The following CACNA2D1 variants were observed in gnomAD, a reference collection of about 807,000 sequenced individuals.
The protein encoded by CACNA2D1 is voltage-dependent calcium channel subunit alpha-2/delta-1.
CACNA2D1 carries 53 observed loss-of-function variants against 171.5 expected under a neutral mutation model. The ratio of observed to expected loss-of-function variants is 0.31; its 90% confidence interval spans 0.25 to 0.39. The LOEUF is 0.39. CACNA2D1 is among the 10% of genes least tolerant of loss of function. CACNA2D1 has a pLI of 1.00. For synonymous variants in CACNA2D1, 442 were observed against 443.1 expected (o/e 1.00, Z 0.03); for missense variants, 903 against 1,299.8 (o/e 0.69, Z 4.69).
In CACNA2D1 at chr7:82,263,982, T is replaced by A. The variant is rs144405954; in HGVS notation, c.294+71153A>T. ...ATTTGGAAAATATTCTAGTTTAACA[T>A]GATTATGTAGGCCGTCACCGTTTTT... On this transcript the variant is annotated intron_variant, in intron 3 of 38. Coordinates refer to ENST00000356860, the MANE Select transcript of CACNA2D1 (RefSeq NM_000722.4). 9.2e-3 allele frequency among the ~76,000 whole-genome samples: 1,403 copies of A among 152,224 alleles called. 18 individuals are homozygous for A. Among genetic ancestry groups the A allele is most frequent in the Non-Finnish European group, 0.013 (875 of 67,992 alleles).
At chr7:82,068,281 G>A (rs1446718908) in intron 7 of CACNA2D1, among the ~76,000 whole-genome samples, 3 of 151,992 alleles carry the variant, frequency 2.0e-5, no homozygotes, top group Admixed American at 6.6e-5. Context: ...TTTTTGTAGA[G>A]GAGAGCTTAC....
Position 82,012,203 on chromosome 7 carries a change from C to T in CACNA2D1, c.1313G>A (p.Gly438Glu). The T allele has an allele frequency of 6.2e-7, 1 of 1,608,422 alleles. No homozygotes were observed. Among genetic ancestry groups the T allele is most frequent in the South Asian group, 1.1e-5 (1 of 90,976 alleles). The change falls in exon 15 of 39, where the codon GGA becomes GAA. Residue 438 changes from glycine (G) to glutamate (E), a missense_variant. This residue lies in a region of CACNA2D1 where 623 missense variants were observed against 925.5 expected (regional missense o/e 0.67). Coordinates refer to ENST00000356860, the MANE Select transcript of CACNA2D1 (RefSeq NM_000722.4). ...CCATTGGACTTGCTTAGCTTTGTCT[C>T]CTGCTAAAACCATTGGTCTTCCCAA... ...DVLGRPMVLA[G>E]DKAKQVQWTN...
At chr7:82,172,704 C>T (rs1469335297) in intron 3 of CACNA2D1, among the ~76,000 whole-genome samples, 1 of 132,800 alleles carries the variant, frequency 7.5e-6, no homozygotes, top group Non-Finnish European at 1.5e-5. Context: ...TCCCAAAGTG[C>T]TGGTATTACA....
chr7:82,289,918 G>C lies in CACNA2D1; in HGVS notation c.294+45217C>G, dbSNP rs561496716. Among the ~76,000 whole-genome samples, 10 of 151,978 alleles carry C rather than the reference G, an allele frequency of 6.6e-5. No homozygotes were observed. In the South Asian group the frequency reaches 2.1e-3, roughly 31 times the overall value. ...CAAGACAAGTATTTTCCACTGAAAA[G>C]ACTGCCTCATCTTACCCTTAACTTT... On this transcript the variant is annotated intron_variant, in intron 3 of 38. Transcript: ENST00000356860.
intron 3 of CACNA2D1, among the ~76,000 whole-genome samples, chr7:82,184,713 TTACA>T (rs1242641193): frequency 6.6e-6 from 1 of 152,158 alleles, no homozygotes; most frequent in Non-Finnish European, 1.5e-5. Context: ...AAAATTAAAA[TTACA>T]TTCATTATAC....
At chr7:82,411,557 T>C (rs1407974897) in intron 1 of CACNA2D1, among the ~76,000 whole-genome samples, 2 of 152,168 alleles carry the variant, frequency 1.3e-5, no homozygotes, top group African/African-American at 2.4e-5. Context: ...AGTAATATTA[T>C]TTAAAATATA....
rs141966120 is a variant in CACNA2D1 at position 82,351,433 on chromosome 7, A to G, written c.96-1784T>C. 7.9e-3 allele frequency among the ~76,000 whole-genome samples: 1,202 copies of G among 152,122 alleles called. 20 individuals are homozygous for G. Among genetic ancestry groups the G allele is most frequent in the African/African-American group, 0.026 (1,094 of 41,548 alleles). The stretch of plus-strand genomic sequence containing the variant: ...AATGGAAAGCCAGTTATAAAAAAGG[A>G]TGAAATGCCTTAGAGGAAAACACAG... On this transcript the variant is annotated intron_variant, in intron 1 of 38. Coordinates refer to ENST00000356860, the MANE Select transcript of CACNA2D1 (RefSeq NM_000722.4).
rs932080938 is a variant in CACNA2D1 at position 82,099,422 on chromosome 7, C to CTTTTTTTTTTTTTTT, written c.527-14537_527-14523dup. On this transcript the variant is annotated intron_variant, in intron 6 of 38. Coordinates refer to ENST00000356860, the MANE Select transcript of CACNA2D1 (RefSeq NM_000722.4). The stretch of plus-strand genomic sequence containing the variant: ...ACTCTAAAACAGGTAGCAATACCTT[C>CTTTTTTTTTTTTTTT]TTTTTTTTTTTTTTTTTTTTTTTTT... Among the ~76,000 whole-genome samples the CTTTTTTTTTTTTTTT allele has an allele frequency of 2.7e-4, 11 of 40,288 alleles. 2 individuals carry two copies. The highest frequency in any genetic ancestry group is 3.8e-4 in the African/African-American group (4 of 10,620). The allele number at this position is 40,288 out of a possible 152,430, so 26.4% of individuals were successfully genotyped here. A position where few individuals can be genotyped will look rare whatever the true frequency, so the allele number is the denominator to read the frequency against.
intron 1 of CACNA2D1, among the ~76,000 whole-genome samples, chr7:82,430,133 G>A (rs1257379070): frequency 7.6e-6 from 1 of 132,012 alleles, no homozygotes; most frequent in African/African-American, 3.2e-5. Context: ...GGCCATGTTG[G>A]CTGGGCGCAG....
chr7:82,310,591 A>C (rs1019633104), intron 3 of CACNA2D1, among the ~76,000 whole-genome samples: 6 of 152,030 alleles, frequency 3.9e-5, no homozygotes, highest in Non-Finnish European at 8.8e-5. Flanking sequence ...TAAGATTTTC[A>C]TATACTATTA....
intron 1 of CACNA2D1, among the ~76,000 whole-genome samples, chr7:82,371,473 T>C (rs2129448296): frequency 6.6e-6 from 1 of 152,354 alleles, no homozygotes; most frequent in Admixed American, 6.5e-5. Context: ...AATAAATATT[T>C]ACTAAGTTTC....
chr7:82,015,063 A>AAAAG (rs570820638), intron 12 of CACNA2D1, among the ~76,000 whole-genome samples: 1 of 152,142 alleles, frequency 6.6e-6, no homozygotes, highest in African/African-American at 2.4e-5. Context: ...AAAAAAAGAA[A>AAAAG]AAAGAAAGAA....
intron 29 of CACNA2D1, among the ~76,000 whole-genome samples, chr7:81,968,417 G>T (rs1365883312): frequency 6.6e-6 from 1 of 151,112 alleles, no homozygotes; most frequent in African/African-American, 2.4e-5. Context: ...GTTTTTAACT[G>T]AGCCCTACCT....
At chr7:82,423,510 T>A (rs1320257220) in intron 1 of CACNA2D1, among the ~76,000 whole-genome samples, 1 of 152,176 alleles carries the variant, frequency 6.6e-6, no homozygotes. Flanking sequence ...AAATAGTAAA[T>A]GTTCTAAAGA....
chr7:81,972,688 G>A (rs2130471911), intron 25 of CACNA2D1, among the ~76,000 whole-genome samples: 1 of 151,860 alleles, frequency 6.6e-6, no homozygotes, highest in Non-Finnish European at 1.5e-5. Context: ...CATTCTCCTT[G>A]TTCCTCTAAA....
At chr7:82,322,571 A>T (rs12531295) in intron 3 of CACNA2D1, among the ~76,000 whole-genome samples, 48,926 of 152,024 alleles carry the variant, frequency 0.32, 7,980 homozygotes, top group Middle Eastern at 0.5. Context: ...GTGAGCCATA[A>T]TAGCGCTACT....
At chr7:82,270,347 C>T (rs551210270) in intron 3 of CACNA2D1, among the ~76,000 whole-genome samples, 1 of 152,078 alleles carries the variant, frequency 6.6e-6, no homozygotes, top group African/African-American at 2.4e-5. Context: ...TCATATAACA[C>T]GTAGTCTTCT....
chr7:82,321,670 G>C (rs982244418), intron 3 of CACNA2D1, among the ~76,000 whole-genome samples: 1 of 152,118 alleles, frequency 6.6e-6, no homozygotes, highest in Non-Finnish European at 1.5e-5. Flanking sequence ...GTGAGGAATT[G>C]ATGATAGCTC....
chr7:82,406,236 G>A (rs1827025006), intron 1 of CACNA2D1, among the ~76,000 whole-genome samples: 2 of 152,238 alleles, frequency 1.3e-5, no homozygotes, highest in South Asian at 2.1e-4. Flanking sequence ...CATTTTTTAT[G>A]GCTGCATAGT....
Sources: allele counts gnomAD v4.1 joint callset (sites outside exome capture counted in the v4.1 genomes callset), GRCh38; gene constraint gnomAD v4.1.1; regional missense constraint gnomAD v4.1.1; transcripts MANE v1.5; gene names NCBI Gene and HGNC (gene_info 2026-07-23, HGNC 2026-07-21).